The following LRFN2 variants were observed in gnomAD, a reference collection of about 807,000 sequenced individuals.
LRFN2 encodes leucine-rich repeat and fibronectin type-III domain-containing protein 2.
LRFN2 carries 18 observed loss-of-function variants against 37.3 expected under a neutral mutation model. That is an observed-to-expected ratio of 0.48 (90% CI 0.33 to 0.72). The LOEUF is 0.72. Ranked by LOEUF, LRFN2 falls within the 30% of genes least tolerant of loss-of-function variation. LRFN2 has a pLI of 0.02. For synonymous variants in LRFN2, 556 were observed against 466.6 expected, an observed-to-expected ratio of 1.19 and a Z score of -2.47; for missense variants, 1,006 against 1,060.7, an observed-to-expected ratio of 0.95 and a Z score of 0.72.
At chr6:40,555,403 C>G (rs1464832126) in intron 1 of LRFN2, among the ~76,000 whole-genome samples, 1 of 152,186 alleles carries the variant, frequency 6.6e-6, no homozygotes, top group Non-Finnish European at 1.5e-5. Flanking sequence ...ACAAGTGAGA[C>G]TACGCCAGCA....
chr6:40,572,310 T>C (rs1022586426), intron 1 of LRFN2, among the ~76,000 whole-genome samples: 1 of 152,174 alleles, frequency 6.6e-6, no homozygotes, highest in Non-Finnish European at 1.5e-5. Context: ...TTACTTAGTA[T>C]GAACATCAGA....
intron 2 of LRFN2, among the ~76,000 whole-genome samples, chr6:40,399,976 A>C (rs1418939162): frequency 6.6e-6 from 1 of 151,776 alleles, no homozygotes; most frequent in Non-Finnish European, 1.5e-5. Context: ...TCACTCCCCC[A>C]GTAAGCCAAC....
At chr6:40,555,243 G>T (rs1766849145) in intron 1 of LRFN2, among the ~76,000 whole-genome samples, 1 of 152,206 alleles carries the variant, frequency 6.6e-6, no homozygotes, top group South Asian at 2.1e-4. Context: ...CCGGGAAGAA[G>T]CCATGCCAGT....
chr6:40,572,646 C>T (rs1168205210), intron 1 of LRFN2, among the ~76,000 whole-genome samples: 2 of 152,226 alleles, frequency 1.3e-5, no homozygotes, highest in African/African-American at 4.8e-5. Context: ...TTTATAGACT[C>T]TTGTCCCTGT....
chr6:40,397,123 T>C (rs1762632815), intron 2 of LRFN2, among the ~76,000 whole-genome samples: 1 of 152,192 alleles, frequency 6.6e-6, no homozygotes, highest in South Asian at 2.1e-4. Flanking sequence ...CCACGTGAAA[T>C]GGGCACTCTA....
At chr6:40,483,746 C>T (rs995943703) in intron 1 of LRFN2, among the ~76,000 whole-genome samples, 2 of 152,162 alleles carry the variant, frequency 1.3e-5, no homozygotes, top group Non-Finnish European at 2.9e-5. Flanking sequence ...TGGCAGCTTC[C>T]AGACGGAAGC....
intron 1 of LRFN2, among the ~76,000 whole-genome samples, chr6:40,548,012 G>A (rs993565966): frequency 2.6e-5 from 4 of 152,176 alleles, no homozygotes; most frequent in Non-Finnish European, 5.9e-5. Flanking sequence ...ACTAGATGAA[G>A]CCAGAAGGCA....
At chr6:40,447,837 C>CAG (rs1453287227) in intron 1 of LRFN2, among the ~76,000 whole-genome samples, 1 of 152,166 alleles carries the variant, frequency 6.6e-6, no homozygotes, top group Non-Finnish European at 1.5e-5. Flanking sequence ...TCTGGGCTCT[C>CAG]AAAGAGCTCT....
rs543731452 is a variant in LRFN2, at chr6:40,512,769, C to T, written c.-19+74172G>A. ...CTACCAGGAGGGTGCCAGAGACACA[C>T]GTCCTTTATGCTGAGCCCTTGGGGA... On this transcript the variant is annotated intron_variant, in intron 1 of 2. Coordinates refer to ENST00000338305, the MANE Select transcript of LRFN2 (RefSeq NM_020737.3). 2.0e-5 allele frequency among the ~76,000 whole-genome samples: 3 copies of T among 152,356 alleles called. No homozygotes were observed. The South Asian group carries it at 6.2e-4, about 32-fold the overall frequency.
At position 40,391,800 on chromosome 6, in the gene LRFN2, G is replaced by A. The variant is rs1241079375; in HGVS notation, c.*143C>T. 3 of 805,114 alleles carry A rather than the reference G, an allele frequency of 3.7e-6. No homozygotes were observed. The highest frequency in any genetic ancestry group is 3.6e-6 in the Non-Finnish European group (2 of 552,774). The allele number at this position is 805,114 out of a possible 1,614,324, so 49.9% of individuals were successfully genotyped here. A position where few individuals can be genotyped will look rare whatever the true frequency, so the allele number is the denominator to read the frequency against. On this transcript the variant is annotated 3_prime_UTR_variant, in exon 3 of 3. Coordinates refer to ENST00000338305, the MANE Select transcript of LRFN2 (RefSeq NM_020737.3). ...AGGTGATGTGGGTGTTGCGGGGTAG[G>A]GGGGGACACGAGGCCATTGACAGGG...
intron 2 of LRFN2, among the ~76,000 whole-genome samples, chr6:40,406,771 T>C (rs1224926081): frequency 6.6e-6 from 1 of 152,242 alleles, no homozygotes; most frequent in Non-Finnish European, 1.5e-5. Flanking sequence ...TTGCTTCCCA[T>C]ATTGTGAGGC....
At chr6:40,500,313 G>A (rs1004660036) in intron 1 of LRFN2, among the ~76,000 whole-genome samples, 1 of 152,256 alleles carries the variant, frequency 6.6e-6, no homozygotes, top group Admixed American at 6.5e-5. Context: ...CCAGGAGAAG[G>A]CCACAGGGGA....
At chr6:40,466,794 T>TGCC (rs1203800504) in intron 1 of LRFN2, among the ~76,000 whole-genome samples, 2 of 152,170 alleles carry the variant, frequency 1.3e-5, no homozygotes, top group East Asian at 3.8e-4. Context: ...CATAAGTATG[T>TGCC]TGAAATCCTA....
intron 1 of LRFN2, among the ~76,000 whole-genome samples, chr6:40,483,345 T>C (rs1293430624): frequency 6.6e-6 from 1 of 152,230 alleles, no homozygotes; most frequent in Non-Finnish European, 1.5e-5. Flanking sequence ...TCCTGGACTT[T>C]CCCACTATTG....
At chr6:40,485,365 C>T (rs1387584413) in intron 1 of LRFN2, among the ~76,000 whole-genome samples, 2 of 152,150 alleles carry the variant, frequency 1.3e-5, no homozygotes, top group Non-Finnish European at 2.9e-5. Context: ...GACAGAGTGG[C>T]CAGCCTGGAA....
intron 1 of LRFN2, among the ~76,000 whole-genome samples, chr6:40,551,328 A>G (rs940089321): frequency 1.3e-5 from 2 of 152,230 alleles, no homozygotes; most frequent in African/African-American, 4.8e-5. Flanking sequence ...AGCAGGGTAT[A>G]TAGACATGAG....
intron 2 of LRFN2, among the ~76,000 whole-genome samples, chr6:40,394,991 G>C (rs1429387710): frequency 1.5e-5 from 2 of 137,122 alleles, no homozygotes; most frequent in Admixed American, 1.6e-4. Flanking sequence ...CCAGTCTCGT[G>C]TATGTCTTTA....
intron 1 of LRFN2, among the ~76,000 whole-genome samples, chr6:40,483,232 G>A (rs148350487): frequency 6.6e-6 from 1 of 152,272 alleles, no homozygotes; most frequent in Non-Finnish European, 1.5e-5. Context: ...AGATGTTAGA[G>A]TGATGCCATT....
rs545072077 is a variant in LRFN2 at position 40,576,528 on chromosome 6, A to G, written c.-19+10413T>C. ...ACTCATGCCTCAAGCTGGGCCAGCC[A>G]CCACTGGGTCCCACCGGCCTTCCCT... On this transcript the variant is annotated intron_variant, in intron 1 of 2. Coordinates refer to ENST00000338305, the MANE Select transcript of LRFN2 (RefSeq NM_020737.3). Among the ~76,000 whole-genome samples the G allele has an allele frequency of 1.3e-4, 20 of 152,334 alleles. 1 individual carries two copies. The East Asian group carries it at 1.9e-3, about 15-fold the overall frequency.
Sources: allele counts gnomAD v4.1 joint callset (sites outside exome capture counted in the v4.1 genomes callset), GRCh38; gene constraint gnomAD v4.1.1; transcripts MANE v1.5; gene names NCBI Gene and HGNC (gene_info 2026-07-23, HGNC 2026-07-21).